Variants in UBE3D observed in about 807,000 individuals in gnomAD.
The protein encoded by UBE3D is E3 ubiquitin-protein ligase E3D.
A neutral mutation model predicts 49.6 loss-of-function variants in UBE3D; 48 were observed. The ratio of observed to expected loss-of-function variants is 0.97; its 90% confidence interval spans 0.77 to 1.23. The LOEUF (loss-of-function observed/expected upper bound fraction) is 1.23, where lower values mean the gene tolerates loss of function less well. Among genes scored for constraint, UBE3D ranks in the 50% most tolerant of loss-of-function variants. The pLI is 0.00. For missense variants in UBE3D, 452 were observed against 468.4 expected (o/e 0.96, Z 0.32); for synonymous variants, 189 against 174.2 (o/e 1.08, Z -0.67).
intron 9 of UBE3D, among the ~76,000 whole-genome samples, chr6:82,916,803 G>A (rs1348916853): frequency 6.6e-6 from 1 of 152,100 alleles, no homozygotes; most frequent in East Asian, 1.9e-4. Flanking sequence ...TTTCTGATAC[G>A]GCAACAAACT....
intron 8 of UBE3D, among the ~76,000 whole-genome samples, chr6:83,002,237 C>T (rs1779679818): frequency 1.3e-5 from 2 of 152,168 alleles, no homozygotes; most frequent in South Asian, 4.1e-4. Flanking sequence ...CCATGAAAAC[C>T]TGTTCCGTAG....
intron 9 of UBE3D, among the ~76,000 whole-genome samples, chr6:82,934,401 A>G (rs1774399109): frequency 6.6e-6 from 1 of 152,242 alleles, no homozygotes; most frequent in South Asian, 2.1e-4. Context: ...ATTTTTTAAC[A>G]GAGGGGCTGG....
chr6:82,913,101 G>T (rs1772646004), intron 9 of UBE3D, among the ~76,000 whole-genome samples: 1 of 152,192 alleles, frequency 6.6e-6, no homozygotes, highest in Non-Finnish European at 1.5e-5. Flanking sequence ...AATAACCTGT[G>T]CTTAGATTCT....
chr6:82,955,615 C>A (rs1776105406), intron 9 of UBE3D, among the ~76,000 whole-genome samples: 1 of 152,162 alleles, frequency 6.6e-6, no homozygotes, highest in South Asian at 2.1e-4. Flanking sequence ...TAAGTCATAT[C>A]TGGTTTAAGG....
At chr6:82,991,374 A>G (rs769006475) in intron 8 of UBE3D, among the ~76,000 whole-genome samples, 1 of 152,190 alleles carries the variant, frequency 6.6e-6, no homozygotes, top group Non-Finnish European at 1.5e-5. Flanking sequence ...TATTATGTTT[A>G]ATCTGCCTGG....
At chr6:83,032,321 T>C (rs768031386) in intron 5 of UBE3D, 1 of 454,258 alleles carries the variant, frequency 2.2e-6, no homozygotes, top group South Asian at 1.6e-5. Flanking sequence ...ATGTGAGACA[T>C]GAAGTCAAAA....
At chr6:82,944,632 AC>A (rs1177401897) in intron 9 of UBE3D, among the ~76,000 whole-genome samples, 2 of 152,224 alleles carry the variant, frequency 1.3e-5, no homozygotes. Context: ...TAGCTTGGTC[AC>A]AGTTGGGTAG....
the UBE3D span, among the ~76,000 whole-genome samples, chr6:82,886,802 C>T: frequency 1.3e-5 from 2 of 152,162 alleles, no homozygotes; most frequent in African/African-American, 4.8e-5. Context: ...GACAAAGTGT[C>T]TATGCTTGGC....
chr6:83,022,506 T>C lies in UBE3D; in HGVS notation c.793A>G (p.Arg265Gly). Reference sequence around the variant, plus strand: ...TGAATCGTGAATCTAAAAGTGCTTCTAGCAGAGGAGAGCTGCACCAGACAC... The same window carrying C: ...TGAATCGTGAATCTAAAAGTGCTTCCAGCAGAGGAGAGCTGCACCAGACAC... The part of the protein sequence containing the change: ...AQCLVQLSSA[R>G]STFRFTIQGQ... Residue 265 changes from arginine (R) to glycine (G), a missense_variant, in exon 7 of 10, where the codon AGA (arginine) becomes GGA (glycine). By Grantham distance (125) the Arg-to-Gly change is moderately radical (BLOSUM62 -2). Transcript: ENST00000369747. The C allele has an allele frequency of 6.2e-7, 1 of 1,606,904 alleles. No individual in the cohort carries two copies. The highest frequency in any genetic ancestry group is 8.5e-7 in the Non-Finnish European group (1 of 1,177,172).
At chr6:82,993,806 T>C (rs1215752403) in intron 8 of UBE3D, among the ~76,000 whole-genome samples, 2 of 152,202 alleles carry the variant, frequency 1.3e-5, no homozygotes, top group Admixed American at 1.3e-4. Context: ...TCCACTGACA[T>C]ACAGGATATT....
intron 9 of UBE3D, among the ~76,000 whole-genome samples, chr6:82,934,480 G>A (rs1212466571): frequency 2.6e-5 from 4 of 152,096 alleles, no homozygotes; most frequent in East Asian, 1.9e-4. Context: ...TGCAAGTTAC[G>A]ACTTACATGG....
At chr6:82,936,544 A>G (rs1774589210) in intron 9 of UBE3D, among the ~76,000 whole-genome samples, 1 of 152,146 alleles carries the variant, frequency 6.6e-6, no homozygotes, top group African/African-American at 2.4e-5. Context: ...AAGAGTCAAG[A>G]TAAGGAGCCA....
intron 1 of UBE3D, among the ~76,000 whole-genome samples, chr6:83,065,250 TC>T (rs1413615721): frequency 6.6e-6 from 1 of 152,182 alleles, no homozygotes; most frequent in East Asian, 1.9e-4. Context: ...GTAAGGAGGA[TC>T]CCGAAGAGAG....
intron 9 of UBE3D, among the ~76,000 whole-genome samples, chr6:82,900,042 A>G (rs912501729): frequency 2.0e-5 from 3 of 152,198 alleles, no homozygotes; most frequent in Non-Finnish European, 4.4e-5. Context: ...TCACAAATCA[A>G]AAAGTCCCTT....
intron 6 of UBE3D, among the ~76,000 whole-genome samples, chr6:83,023,254 T>G (rs938009663): frequency 3.3e-5 from 5 of 152,178 alleles, no homozygotes; most frequent in African/African-American, 1.2e-4. Context: ...TTCAAAAAAC[T>G]TATTGGTGAC....
chr6:82,982,528 C>T (rs1428145333), intron 8 of UBE3D, among the ~76,000 whole-genome samples: 1 of 152,064 alleles, frequency 6.6e-6, no homozygotes, highest in Non-Finnish European at 1.5e-5. Context: ...CTATAATTTC[C>T]CAATCTGGAT....
chr6:82,981,929 T>C (rs955311277), intron 8 of UBE3D, among the ~76,000 whole-genome samples: 3 of 152,152 alleles, frequency 2.0e-5, no homozygotes, highest in Non-Finnish European at 4.4e-5. Context: ...GCTGCAGGAA[T>C]GTCATATTAA....
intron 8 of UBE3D, among the ~76,000 whole-genome samples, chr6:83,015,714 G>A (rs1327987198): frequency 6.6e-6 from 1 of 152,196 alleles, no homozygotes; most frequent in Admixed American, 6.5e-5. Flanking sequence ...AGCAAACAGA[G>A]GTATTGGGGG....
intron 8 of UBE3D, among the ~76,000 whole-genome samples, chr6:83,010,063 G>A (rs1202374881): frequency 6.6e-6 from 1 of 151,888 alleles, no homozygotes; most frequent in African/African-American, 2.4e-5. Context: ...GGAGGAGGTT[G>A]GGGAGGGAGC....
Sources: allele counts gnomAD v4.1 joint callset (sites outside exome capture counted in the v4.1 genomes callset), GRCh38; gene constraint gnomAD v4.1.1; transcripts MANE v1.5; gene names NCBI Gene and HGNC (gene_info 2026-07-23, HGNC 2026-07-21).